TUBA1C: variants seen among roughly 807,000 people sequenced by gnomAD.
TUBA1C encodes tubulin alpha-1C chain.
Under a neutral mutation model 34.9 loss-of-function variants are expected in TUBA1C, and 16 were observed. The observed-to-expected ratio is 0.46, with a 90% CI of 0.31 to 0.70. The LOEUF (loss-of-function observed/expected upper bound fraction) is 0.70, where lower values mean the gene tolerates loss of function less well. Among genes scored for constraint, TUBA1C ranks in the 30% least tolerant of loss-of-function variants. TUBA1C has a pLI of 0.05. For missense variants in TUBA1C, 329 were observed against 587.3 expected, an observed-to-expected ratio of 0.56 and a Z score of 4.55; for synonymous variants, 177 against 215.9, an observed-to-expected ratio of 0.82 and a Z score of 1.58.
intron 1 of TUBA1C, among the ~76,000 whole-genome samples, chr12:49,259,534 A>G (rs1942822037): frequency 6.6e-6 from 1 of 152,210 alleles, no homozygotes; most frequent in South Asian, 2.1e-4. Context: ...AGATACAAAT[A>G]CCATCTAGTT....
chr12:49,254,288 G>A lies in TUBA1C; in HGVS notation c.214-15177G>A, dbSNP rs1290007374. On this transcript the variant is annotated intron_variant, in intron 1 of 3. Transcript: ENST00000541364. ...ATCATGCCATTGCACTCTAGCCTGG[G>A]CAACAAGAGTGAAACTCCATCTCAA... 2.0e-5 allele frequency among the ~76,000 whole-genome samples: 3 copies of A among 151,782 alleles called. No homozygotes were observed. The East Asian group carries it at 5.8e-4, about 29-fold the overall frequency.
At position 49,265,957 on chromosome 12, in the gene TUBA1C, T is replaced by TAAAAAA. The variant is rs35622750; in HGVS notation, c.3+783_3+788dup. Among the ~76,000 whole-genome samples, 11 of 91,848 alleles carry TAAAAAA rather than the reference T, an allele frequency of 1.2e-4. 1 individual carries two copies. The East Asian group carries it at 1.3e-3, about 11-fold the overall frequency. 60.3% of individuals were successfully genotyped at this position (91,848 alleles called of 152,430 possible). A position where few individuals can be genotyped will look rare whatever the true frequency, so the allele number is the denominator to read the frequency against. The stretch of plus-strand genomic sequence containing the variant: ...ACATGGTGAAACCCCGTCTCTACTT[T>TAAAAAA]AAAAAAAAAAAAAAACAAAAAAAAA... On this transcript the variant is annotated intron_variant, in intron 1 of 3. Coordinates refer to ENST00000301072, the MANE Select transcript of TUBA1C (RefSeq NM_032704.5).
At chr12:49,247,574 A>G (rs1229443011) in intron 1 of TUBA1C, among the ~76,000 whole-genome samples, 1 of 152,106 alleles carries the variant, frequency 6.6e-6, no homozygotes, top group Non-Finnish European at 1.5e-5. Flanking sequence ...ACTGCACTCT[A>G]GCCTGGGCAA....
At chr12:49,253,765 C>G (rs146449493) in intron 1 of TUBA1C, among the ~76,000 whole-genome samples, 2 of 152,116 alleles carry the variant, frequency 1.3e-5, no homozygotes, top group Non-Finnish European at 2.9e-5. Context: ...TGGACTCAAG[C>G]GATCTTCCTG....
chr12:49,263,058 C>CT (rs1236570471), upstream of TUBA1C, among the ~76,000 whole-genome samples: 1 of 133,008 alleles, frequency 7.5e-6, no homozygotes, highest in African/African-American at 2.9e-5. Flanking sequence ...GACAGAGTCT[C>CT]TGTCACTCAG....
At chr12:49,270,087 A>C in intron 3 of TUBA1C, 111 bp downstream of exon 3, 1 of 1,589,698 alleles carries the variant, frequency 6.3e-7, no homozygotes. Flanking sequence ...CATTGCAACT[A>C]AAATGTATCT....
chr12:49,228,173 C>T (rs1427801582), intron 1 of TUBA1C: 1 of 1,535,552 alleles, frequency 6.5e-7, no homozygotes, highest in Non-Finnish European at 8.7e-7. Flanking sequence ...AAAGGTAAGG[C>T]TGTAATAGTA....
rs764388216 is a variant in TUBA1C, at chr12:49,249,125, A to G, written c.214-20340A>G. Among the ~76,000 whole-genome samples, 6 of 152,110 alleles carry G rather than the reference A, an allele frequency of 3.9e-5. No homozygotes were observed. The East Asian group carries it at 5.8e-4, about 15-fold the overall frequency. Reference sequence around the variant, plus strand: ...AGGTCTCAAATCAAATTAAGCTTCTATCTTAAGAAAATAAAAAGAAGGCCG... The same window carrying G: ...AGGTCTCAAATCAAATTAAGCTTCTGTCTTAAGAAAATAAAAAGAAGGCCG... On this transcript the variant is annotated intron_variant, in intron 1 of 3. Coordinates refer to the TUBA1C transcript ENST00000541364.
At chr12:49,264,282 T>C (rs1942870262), upstream of TUBA1C, among the ~76,000 whole-genome samples, 1 of 151,968 alleles carries the variant, frequency 6.6e-6, no homozygotes, top group Non-Finnish European at 1.5e-5. Context: ...AGCTATTCAT[T>C]ATCCTAATGA....
intron 1 of TUBA1C, among the ~76,000 whole-genome samples, chr12:49,247,949 A>G (rs903350406): frequency 7.3e-6 from 1 of 136,218 alleles, no homozygotes; most frequent in African/African-American, 2.6e-5. Context: ...TTCCGTCTCA[A>G]AAAAAAAAAA....
rs1942960013 is a variant in TUBA1C at position 49,269,523 on chromosome 12, G to A, written c.62G>A (p.Trp21Ter). The A allele has an allele frequency of 6.2e-7, 1 of 1,614,210 alleles. No homozygotes were observed. Among genetic ancestry groups the A allele is most frequent in the Non-Finnish European group, 8.5e-7 (1 of 1,180,042 alleles). The change falls in exon 2 of 4, where the codon TGG becomes TAG. Residue 21 changes from tryptophan (W) to a stop codon, truncating the protein, a stop_gained. Coordinates refer to ENST00000301072, the MANE Select transcript of TUBA1C (RefSeq NM_032704.5). LOFTEE classifies it high-confidence loss of function. Reference sequence around the variant, plus strand: ...GGTGTCCAGATTGGCAATGCCTGCTGGGAGCTCTACTGCCTGGAACACGGC... The same window carrying A: ...GGTGTCCAGATTGGCAATGCCTGCTAGGAGCTCTACTGCCTGGAACACGGC... Reference protein sequence around the residue: ...QAGVQIGNACWELYCLEHGIQ... With the variant: ...QAGVQIGNAC
upstream of TUBA1C, among the ~76,000 whole-genome samples, chr12:49,263,676 C>T (rs763357095): frequency 1.3e-5 from 2 of 152,054 alleles, no homozygotes; most frequent in Non-Finnish European, 2.9e-5. Context: ...TCTGTATCTC[C>T]CAGAGATGGT....
chr12:49,252,004 G>C (rs1489477638), intron 1 of TUBA1C, among the ~76,000 whole-genome samples: 1 of 151,986 alleles, frequency 6.6e-6, no homozygotes, highest in African/African-American at 2.4e-5. Context: ...ACCAGATAAG[G>C]GGCTTCTAAG....
intron 1 of TUBA1C, among the ~76,000 whole-genome samples, chr12:49,266,934 G>T (rs1177036797): frequency 6.6e-6 from 1 of 152,186 alleles, no homozygotes; most frequent in Admixed American, 6.5e-5. Context: ...GTACCAAAAA[G>T]ATACTGGTAA....
chr12:49,236,756 C>T (rs1466676767), intron 1 of TUBA1C, among the ~76,000 whole-genome samples: 1 of 152,200 alleles, frequency 6.6e-6, no homozygotes, highest in East Asian at 1.9e-4. Flanking sequence ...TGCTCCTAGG[C>T]TTCAAAACTA....
upstream of TUBA1C, chr12:49,265,063 C>CG (rs1010739904): frequency 2.2e-6 from 3 of 1,357,054 alleles, no homozygotes; most frequent in Admixed American, 2.5e-5. Context: ...TAAGGCCCTT[C>CG]GGGGCCGGCC....
intron 1 of TUBA1C, among the ~76,000 whole-genome samples, chr12:49,238,681 T>A (rs1942582415): frequency 6.6e-6 from 1 of 152,194 alleles, no homozygotes; most frequent in Non-Finnish European, 1.5e-5. Context: ...TTTTTATATT[T>A]AAAAAATTTG....
intron 3 of TUBA1C, chr12:49,270,178 A>T: frequency 1.7e-6 from 2 of 1,142,936 alleles, no homozygotes; most frequent in Non-Finnish European, 2.5e-6. Flanking sequence ...AGTGCTCTTT[A>T]GCCTATTTTG....
At chr12:49,249,383 C>T (rs1374317938) in intron 1 of TUBA1C, among the ~76,000 whole-genome samples, 1 of 152,060 alleles carries the variant, frequency 6.6e-6, no homozygotes, top group South Asian at 2.1e-4. Flanking sequence ...GCTGAGATGG[C>T]GCCACTGCAC....
Sources: allele counts gnomAD v4.1 joint callset (sites outside exome capture counted in the v4.1 genomes callset), GRCh38; gene constraint gnomAD v4.1.1; transcripts MANE v1.5; gene names NCBI Gene and HGNC (gene_info 2026-07-23, HGNC 2026-07-21).